Variants in USP20 observed in about 807,000 individuals in gnomAD.
USP20 encodes the protein ubiquitin specific peptidase 20.
Under a neutral mutation model 124.2 loss-of-function variants are expected in USP20, and 80 were observed. The observed-to-expected ratio is 0.64, with a 90% CI of 0.54 to 0.78. USP20 has a LOEUF of 0.78. Ranked by LOEUF, USP20 falls within the 30% of genes least tolerant of loss-of-function variation. USP20 has a pLI of 0.00. For synonymous variants in USP20, 481 were observed against 512.3 expected, an observed-to-expected ratio of 0.94 and a Z score of 0.83; for missense variants, 1,043 against 1,244.4, an observed-to-expected ratio of 0.84 and a Z score of 2.44.
intron 1 of USP20, among the ~76,000 whole-genome samples, chr9:129,843,344 C>T (rs1351661872): frequency 4.6e-5 from 7 of 151,868 alleles, no homozygotes; most frequent in South Asian, 2.1e-4. Flanking sequence ...GCAAGAGAAA[C>T]GCTTGAACCC....
At position 129,839,250 on chromosome 9, in the gene USP20, T is replaced by C. The variant is rs1006582495; in HGVS notation, c.-129+3751T>C. 1.3e-5 allele frequency among the ~76,000 whole-genome samples: 2 copies of C among 152,170 alleles called. No homozygotes were observed. Among genetic ancestry groups the C allele is most frequent in the African/African-American group, 4.8e-5 (2 of 41,432 alleles). ...TGTTAGTGATGGAGATGGATTTAGT[T>C]TGGAACCTTGCCACCTCCCAGGGTG... is the stretch of plus-strand genomic sequence containing the variant. On this transcript the variant is annotated intron_variant, in intron 1 of 25. Transcript: ENST00000372429. This position sits in a 1 kb window ranked among gnomAD's most constrained non-coding sequence, Gnocchi z 4.5.
intron 1 of USP20, among the ~76,000 whole-genome samples, chr9:129,848,348 C>T (rs2032707082): frequency 6.6e-6 from 1 of 152,124 alleles, no homozygotes; most frequent in East Asian, 1.9e-4. Context: ...CTGCCAAGTT[C>T]CTGAGTTACT....
At position 129,868,345 on chromosome 9, in the gene USP20, T is replaced by C. The variant is rs747381066; in HGVS notation, c.1031T>C (p.Val344Ala). The C allele has an allele frequency of 3.1e-6, 5 of 1,612,406 alleles. No individual in the cohort carries two copies. The African/African-American group carries it at 4.0e-5, about 13-fold the overall frequency. ...WGQQRTNSEQ[V>A]DEDADVDTAM... ...CAGCAGCGTACAAACTCGGAGCAAG[T>C]GGACGAGGACGCTGATGTGGACACT... Residue 344 changes from valine to alanine, a missense_variant, in exon 11 of 26, where the codon GTG becomes GCG. Transcript: ENST00000372429.
Position 129,869,708 on chromosome 9 carries a change from C to T in USP20, c.1429C>T (p.Leu477=). Residue 477 remains leucine (L), a synonymous_variant, in exon 14 of 26, where the codon CTG becomes TTG. Coordinates refer to ENST00000372429, the MANE Select transcript of USP20 (RefSeq NM_001110303.4). ...TTVETFQDLS[L]PIPGKEDLAK... Reference sequence around the variant, plus strand: ...AGTGGAAACGTTCCAGGACTTATCACTGCCCATTCCTGGAAAGGAGGACCT... The same window carrying T: ...AGTGGAAACGTTCCAGGACTTATCATTGCCCATTCCTGGAAAGGAGGACCT... The T allele has an allele frequency of 1.9e-6, 3 of 1,614,148 alleles. No individual in the cohort carries two copies. The highest frequency in any genetic ancestry group is 2.5e-6 in the Non-Finnish European group (3 of 1,180,038).
At chr9:129,880,015 C>G in intron 24 of USP20, 98 bp from the exon 25 acceptor site, 1 of 1,462,944 alleles carries the variant, frequency 6.8e-7, no homozygotes, top group Middle Eastern at 1.9e-4. Context: ...GCCGTCTTCC[C>G]GCTTCGGGGC....
intron 1 of USP20, among the ~76,000 whole-genome samples, chr9:129,841,675 A>C (rs968974145): frequency 6.6e-6 from 1 of 152,186 alleles, no homozygotes; most frequent in African/African-American, 2.4e-5. Context: ...CTCAGCAGGA[A>C]TGGGGGTTCA....
intron 11 of USP20, 114 bp from the exon 12 acceptor site, chr9:129,868,748 C>A: frequency 1.4e-6 from 2 of 1,464,188 alleles, no homozygotes; most frequent in Non-Finnish European, 1.8e-6. Context: ...ACAGAGGAGA[C>A]ACATTAGGGT....
In USP20 at chr9:129,880,858, T is replaced by G. The variant is rs1163624958; in HGVS notation, c.*408T>G. 1 of 153,486 alleles carries G rather than the reference T, an allele frequency of 6.5e-6. No individual in the cohort carries two copies. Among genetic ancestry groups the G allele is most frequent in the African/African-American group, 2.4e-5 (1 of 41,468 alleles). The allele number at this position is 153,486 out of a possible 1,614,324, so 9.5% of individuals were successfully genotyped here. ...GGAGCCCCGAAGACTCGGAGGGAGC[T>G]GCTCAGGGCCGGTGAGCGCAGCCAG... On this transcript the variant is annotated 3_prime_UTR_variant, in exon 26 of 26. Coordinates refer to ENST00000372429, the MANE Select transcript of USP20 (RefSeq NM_001110303.4).
At chr9:129,850,969 A>G (rs1588250527) in intron 2 of USP20, among the ~76,000 whole-genome samples, 1 of 151,990 alleles carries the variant, frequency 6.6e-6, no homozygotes, top group South Asian at 2.1e-4. Flanking sequence ...TTTTGTTTTT[A>G]AGACTCATGC....
intron 1 of USP20, among the ~76,000 whole-genome samples, chr9:129,841,199 T>A (rs1185841183): frequency 6.6e-6 from 1 of 152,204 alleles, no homozygotes; most frequent in Non-Finnish European, 1.5e-5. Flanking sequence ...ACGTCTCAGA[T>A]CAAGGTGCCG....
At chr9:129,874,388 A>G (rs1180962624) in intron 17 of USP20, among the ~76,000 whole-genome samples, 188 bp from the exon 18 acceptor site, 2 of 152,128 alleles carry the variant, frequency 1.3e-5, no homozygotes, top group Non-Finnish European at 2.9e-5. Flanking sequence ...TCCAGTTCTC[A>G]GCAGTGGAGC....
intron 2 of USP20, among the ~76,000 whole-genome samples, chr9:129,851,508 T>C (rs973795401): frequency 6.6e-6 from 1 of 152,138 alleles, no homozygotes; most frequent in African/African-American, 2.4e-5. Context: ...TCACTAGTTC[T>C]GTAGGCACTC....
intron 1 of USP20, among the ~76,000 whole-genome samples, chr9:129,838,042 A>ATTT (rs35724053): frequency 3.5e-5 from 5 of 142,522 alleles, no homozygotes; most frequent in Non-Finnish European, 6.1e-5. Flanking sequence ...GTTGACAACA[A>ATTT]TTTTTTTTTT....
intron 3 of USP20, among the ~76,000 whole-genome samples, chr9:129,853,006 C>A (rs1169427903): frequency 6.6e-6 from 1 of 152,080 alleles, no homozygotes; most frequent in Non-Finnish European, 1.5e-5. Flanking sequence ...GGCCTCTTCT[C>A]AGAGTAGGAG....
intron 1 of USP20, among the ~76,000 whole-genome samples, chr9:129,842,166 A>G (rs192028244): frequency 1.3e-5 from 2 of 152,224 alleles, no homozygotes; most frequent in East Asian, 3.9e-4. Context: ...CATTGTCCCC[A>G]TTTTATGAAT....
In USP20 at chr9:129,868,881, C is replaced by T; in HGVS notation, c.1155C>T (p.His385=). The T allele has an allele frequency of 6.3e-7, 1 of 1,592,662 alleles. No homozygotes were observed. The highest frequency in any genetic ancestry group is 8.6e-7 in the Non-Finnish European group (1 of 1,166,616). ...CRTPEPDNDA[H]LRSSSRPCSP... is the part of the protein sequence containing the mutation. ...CCCCAGAGCCGGACAATGATGCTCACCTACGCAGCTCCTCTCGCCCCTGCA... is the reference window on the plus strand; with the variant it reads ...CCCCAGAGCCGGACAATGATGCTCATCTACGCAGCTCCTCTCGCCCCTGCA... The change falls in exon 12 of 26, where the codon CAC becomes CAT. Residue 385 remains histidine, a synonymous_variant. Transcript: ENST00000372429.
chr9:129,860,445 A>G (rs2033482713), intron 6 of USP20, among the ~76,000 whole-genome samples: 1 of 36,758 alleles, frequency 2.7e-5, no homozygotes, highest in African/African-American at 5.8e-5. Context: ...TATTATAAAT[A>G]AAATATTTTT....
chr9:129,856,429 G>A lies in USP20; in HGVS notation c.135+69G>A, dbSNP rs982747037. On this transcript the variant is annotated intron_variant, in intron 4 of 25. Transcript: ENST00000372429. ...CCTGTTATCAGCACTGCACAGGCTG[G>A]TGCAGTGGGCTAGACTCTGGGCTGG... The A allele has an allele frequency of 1.5e-5, 23 of 1,551,872 alleles. No individual in the cohort carries two copies. The East Asian group carries it at 4.9e-4, about 33-fold the overall frequency.
At chr9:129,837,781 A>G (rs1347429955) in intron 1 of USP20, among the ~76,000 whole-genome samples, 1 of 152,218 alleles carries the variant, frequency 6.6e-6, no homozygotes, top group Non-Finnish European at 1.5e-5. Context: ...AACATGACAG[A>G]TAAAGCAGTG....
Sources: gnomAD v4.1 joint callset for allele counts (sites outside exome capture counted in the v4.1 genomes callset) on GRCh38, gnomAD v4.1.1 for gene constraint, Gnocchi (gnomAD v3.1) non-coding constraint, MANE v1.5 for transcripts, NCBI Gene and HGNC (gene_info 2026-07-23, HGNC 2026-07-21) for gene names.